The following TBX20 variants were observed in gnomAD, a reference collection of about 807,000 sequenced individuals.
The protein encoded by TBX20 is T-box transcription factor 20, also known as T-box transcription factor TBX20.
A neutral mutation model predicts 42.9 loss-of-function variants in TBX20; 8 were observed. The ratio of observed to expected loss-of-function variants is 0.19; its 90% CI spans 0.11 to 0.34. The LOEUF is 0.34. Ranked by LOEUF, TBX20 falls within the 10% of genes least tolerant of loss-of-function variation. The probability of loss-of-function intolerance (pLI) is 1.00; values close to 1 mark genes in which losing one functional copy is unlikely to be tolerated. For synonymous variants in TBX20, 198 were observed against 222.8 expected, an observed-to-expected ratio of 0.89 and a Z score of 0.99; for missense variants, 411 against 566.0, an observed-to-expected ratio of 0.73 and a Z score of 2.78.
At chr7:35,231,426 G>C in intron 6 of TBX20, 78 bp downstream of exon 6, 1 of 943,806 alleles carries the variant, frequency 1.1e-6, no homozygotes, top group Non-Finnish European at 1.7e-6. Context: ...CTCTGGTGTC[G>C]AAAGGAGTGT....
chr7:35,249,944 CA>C lies in TBX20; in HGVS notation c.380+6del. On this transcript the variant is annotated splice_donor_region_variant and intron_variant, in intron 2 of 7. Transcript: ENST00000408931. The surrounding 1 kb of genome is among the most constrained non-coding windows in gnomAD (Gnocchi z 4.3). ...CCCCCAACCCCCAACCCCCAAGTCC[CA>C]ACTACCTGCCCGACTTGGTGATGAT... 6.3e-7 allele frequency: 1 copy of C among 1,598,302 alleles called. No homozygotes were observed. The highest frequency in any genetic ancestry group is 8.5e-7 in the Non-Finnish European group (1 of 1,170,850).
intron 6 of TBX20, among the ~76,000 whole-genome samples, chr7:35,228,179 T>C (rs977486396): frequency 4.6e-5 from 7 of 152,088 alleles, no homozygotes; most frequent in African/African-American, 1.4e-4. Flanking sequence ...TGTAAAGATA[T>C]GTATTTTCCT....
At chr7:35,247,367 TA>T (rs962979982) in intron 3 of TBX20, among the ~76,000 whole-genome samples, 15 of 150,982 alleles carry the variant, frequency 9.9e-5, no homozygotes, top group Non-Finnish European at 1.3e-4. Context: ...CTTGCTCAAC[TA>T]AAAAAAAACT....
chr7:35,242,281 A>G (rs1221482213), intron 4 of TBX20, among the ~76,000 whole-genome samples: 18 of 152,242 alleles, frequency 1.2e-4, no homozygotes, highest in Admixed American at 1.2e-3. Flanking sequence ...TTTAACTGCG[A>G]TTGAATTTTG....
Position 35,224,301 on chromosome 7 carries a change from G to A in TBX20, c.890+7203C>T, listed in dbSNP as rs192467750. ...AGAGAAGGTACAAAACCAACTAATT[G>A]TTTCAAGATTGATACAAAAGGTCTT... On this transcript the variant is annotated intron_variant, in intron 6 of 7. Coordinates refer to ENST00000408931, the MANE Select transcript of TBX20 (RefSeq NM_001077653.2). 1.8e-3 allele frequency among the ~76,000 whole-genome samples: 271 copies of A among 152,316 alleles called. 3 individuals are homozygous for A. The highest frequency in any genetic ancestry group is 2.0e-3 in the Non-Finnish European group (135 of 68,026).
At chr7:35,252,541 T>G (rs1170295205) in intron 1 of TBX20, among the ~76,000 whole-genome samples, 1 of 39,318 alleles carries the variant, frequency 2.5e-5, no homozygotes, top group East Asian at 6.6e-4. Flanking sequence ...TTATTTTGGA[T>G]GTGATATGTT....
chr7:35,233,169 C>T (rs1007064116), intron 5 of TBX20, among the ~76,000 whole-genome samples: 2 of 152,056 alleles, frequency 1.3e-5, no homozygotes, highest in African/African-American at 4.8e-5. Context: ...TTCATGGTTT[C>T]TGAACACTTT....
At position 35,250,100 on chromosome 7, in the gene TBX20, G is replaced by GGAGGAC; in HGVS notation, c.225_230dup (p.Ser78_Ser79dup). 6.2e-7 allele frequency: 1 copy of GGAGGAC among 1,613,802 alleles called. No homozygotes were observed. Among genetic ancestry groups the GGAGGAC allele is most frequent in the East Asian group, 2.2e-5 (1 of 44,872 alleles). On this transcript the variant is annotated inframe_insertion, in exon 2 of 8. Coordinates refer to ENST00000408931, the MANE Select transcript of TBX20 (RefSeq NM_001077653.2). ...TCAGTGGCTCAGTGCACAGAGAGGAGGAGGACGGGCTGCTGCCACTGCCTC... is the reference window on the plus strand; with the variant it reads ...TCAGTGGCTCAGTGCACAGAGAGGAGGAGGACGAGGACGGGCTGCTGCCACTGCCTC...
At chr7:35,215,098 C>T (rs1323872619) in intron 6 of TBX20, among the ~76,000 whole-genome samples, 1 of 152,146 alleles carries the variant, frequency 6.6e-6, no homozygotes, top group African/African-American at 2.4e-5. Flanking sequence ...CCAAGTAACA[C>T]AGTGAAACAT....
intron 6 of TBX20, among the ~76,000 whole-genome samples, chr7:35,220,464 CAG>C (rs1251207647): frequency 1.3e-5 from 2 of 152,232 alleles, no homozygotes; most frequent in Admixed American, 6.5e-5. Flanking sequence ...GCTGCTGAGA[CAG>C]AGAGGGTAGC....
rs756676651 is a variant in TBX20, at chr7:35,253,647, G to C, written c.-27C>G. ...GTCCCCAGCACGCGGTCCTGGCCAG[G>C]GACGGGGTCGTCCGAACTGCCGTCC... On this transcript the variant is annotated 5_prime_UTR_variant, in exon 1 of 8. Coordinates refer to ENST00000408931, the MANE Select transcript of TBX20 (RefSeq NM_001077653.2). 1.2e-6 allele frequency: 2 copies of C among 1,605,220 alleles called. No homozygotes were observed. The highest frequency in any genetic ancestry group is 1.7e-6 in the Non-Finnish European group (2 of 1,176,592).
rs1028258023 is a variant in TBX20 at position 35,249,786 on chromosome 7, C to T, written c.380+165G>A. Among the ~76,000 whole-genome samples the T allele has an allele frequency of 1.3e-5, 2 of 152,184 alleles. No individual in the cohort carries two copies. Among genetic ancestry groups the T allele is most frequent in the African/African-American group, 4.8e-5 (2 of 41,454 alleles). ...CTGAGAACGCAAATGACTAGACATCCTGTAGCTCCTAATGCAAGCTGGTGG... is the reference window on the plus strand; with the variant it reads ...CTGAGAACGCAAATGACTAGACATCTTGTAGCTCCTAATGCAAGCTGGTGG... On this transcript the variant is annotated intron_variant, in intron 2 of 7. Coordinates refer to ENST00000408931, the MANE Select transcript of TBX20 (RefSeq NM_001077653.2). The surrounding 1 kb of genome is among the most constrained non-coding windows in gnomAD (Gnocchi z 4.3).
chr7:35,223,744 G>A (rs138058824), intron 6 of TBX20, among the ~76,000 whole-genome samples: 1,651 of 152,254 alleles, frequency 0.011, 29 homozygotes, highest in African/African-American at 0.038. Context: ...GAATGTCTCA[G>A]AGGCAGAGTA....
chr7:35,218,495 T>C (rs2532155), intron 6 of TBX20, among the ~76,000 whole-genome samples: 1 of 152,054 alleles, frequency 6.6e-6, no homozygotes, highest in Non-Finnish European at 1.5e-5. Flanking sequence ...TACATACTTC[T>C]TAGAAAACCA....
At chr7:35,208,161 A>T (rs1447759768) in intron 6 of TBX20, among the ~76,000 whole-genome samples, 1 of 152,014 alleles carries the variant, frequency 6.6e-6, no homozygotes, top group Non-Finnish European at 1.5e-5. Flanking sequence ...TCCTTTCCAG[A>T]TTTTCCCTAC....
chr7:35,250,352 T>C, intron 1 of TBX20, 149 bp from the exon 2 acceptor site: 2 of 985,252 alleles, frequency 2.0e-6, no homozygotes, highest in Non-Finnish European at 3.1e-6. Context: ...TGACCCATCA[T>C]CACTGTATAA....
At chr7:35,213,116 C>T (rs1451143098) in intron 6 of TBX20, among the ~76,000 whole-genome samples, 1 of 152,218 alleles carries the variant, frequency 6.6e-6, no homozygotes, top group African/African-American at 2.4e-5. Context: ...TCATTTGTTT[C>T]CCATCCCTCA....
chr7:35,213,877 C>CAAAAAA (rs59548164), intron 6 of TBX20, among the ~76,000 whole-genome samples: 45 of 59,758 alleles, frequency 7.5e-4, no homozygotes, highest in South Asian at 3.9e-3. Flanking sequence ...GCAGAGATAG[C>CAAAAAA]AAAAAAAAAA....
Position 35,253,933 on chromosome 7 carries a change from G to A in TBX20, c.-313C>T, listed in dbSNP as rs1584362063. The A allele has an allele frequency of 5.9e-6, 2 of 338,468 alleles. No homozygotes were observed. The highest frequency in any genetic ancestry group is 5.5e-6 in the Non-Finnish European group (1 of 182,446). 21.0% of individuals were successfully genotyped at this position (338,468 alleles called of 1,614,324 possible). ...GTCTGCACAGCCCGAAGGCGGAAAC[G>A]AGCATCAACTGCACAAAGTCCTGGG... On this transcript the variant is annotated 5_prime_UTR_variant, in exon 1 of 8. Transcript: ENST00000408931.
Sources: allele counts gnomAD v4.1 joint callset (sites outside exome capture counted in the v4.1 genomes callset), GRCh38; gene constraint gnomAD v4.1.1; non-coding constraint Gnocchi (gnomAD v3.1); transcripts MANE v1.5; gene names NCBI Gene and HGNC (gene_info 2026-07-23, HGNC 2026-07-21).